The following SHTN1 variants were observed in gnomAD, a reference collection of about 807,000 sequenced individuals.
The protein encoded by SHTN1 is shootin-1.
In SHTN1, 42 loss-of-function variants were observed where a neutral mutation model predicts 83.1. The ratio of observed to expected loss-of-function variants is 0.51; its 90% CI spans 0.39 to 0.65. The LOEUF (loss-of-function observed/expected upper bound fraction) is 0.65. SHTN1 is among the 30% of genes least tolerant of loss of function. The pLI, the probability that SHTN1 is intolerant of heterozygous loss-of-function variation, is 0.00. For synonymous variants in SHTN1, 224 were observed against 247.7 expected (o/e 0.90, Z 0.90); for missense variants, 622 against 737.8 (o/e 0.84, Z 1.82).
At chr10:116,921,011 C>A (rs1848544097) in intron 12 of SHTN1, among the ~76,000 whole-genome samples, 1 of 152,160 alleles carries the variant, frequency 6.6e-6, no homozygotes, top group Non-Finnish European at 1.5e-5. Context: ...TTGTTTACTT[C>A]CTGCCTAGTT....
At position 116,973,987 on chromosome 10, in the gene SHTN1, A is replaced by G. The variant is rs79240830; in HGVS notation, c.111+5269T>C. ...TCTGGATTTCTACACTCTTATCCCT[A>G]AAGAATACAACACATTAAATCATTC... On this transcript the variant is annotated intron_variant, in intron 2 of 16. Coordinates refer to ENST00000355371, the MANE Select transcript of SHTN1 (RefSeq NM_001127211.3). 3.9e-4 allele frequency: 469 copies of G among 1,189,892 alleles called. 2 individuals carry two copies. The highest frequency in any genetic ancestry group is 3.3e-3 in the African/African-American group (214 of 64,538). 73.7% of individuals were successfully genotyped at this position (1,189,892 alleles called of 1,614,324 possible). A position where few individuals can be genotyped will look rare whatever the true frequency, so the allele number is the denominator to read the frequency against.
intron 1 of SHTN1, among the ~76,000 whole-genome samples, chr10:117,113,002 T>C (rs758374823): frequency 1.3e-5 from 2 of 152,210 alleles, no homozygotes; most frequent in Non-Finnish European, 2.9e-5. Flanking sequence ...CTGTTTCTTA[T>C]AAGTGTCATG....
At chr10:116,919,017 G>C (rs1035325715) in intron 12 of SHTN1, among the ~76,000 whole-genome samples, 1 of 152,026 alleles carries the variant, frequency 6.6e-6, no homozygotes, top group Non-Finnish European at 1.5e-5. Context: ...CATAAGTAAG[G>C]AGTAAAAGTT....
intron 2 of SHTN1, among the ~76,000 whole-genome samples, chr10:117,015,295 G>A (rs927278578): frequency 6.6e-6 from 1 of 152,022 alleles, no homozygotes; most frequent in African/African-American, 2.4e-5. Flanking sequence ...GGAAATTGTA[G>A]TAATTTTTTT....
At chr10:117,043,409 G>A (rs1236271476) in intron 2 of SHTN1, among the ~76,000 whole-genome samples, 1 of 152,154 alleles carries the variant, frequency 6.6e-6, no homozygotes, top group Non-Finnish European at 1.5e-5. Context: ...AAAAGTTCTG[G>A]AGACCAATGG....
chr10:116,890,427 T>C (rs776783858), intron 16 of SHTN1, among the ~76,000 whole-genome samples: 10 of 152,202 alleles, frequency 6.6e-5, no homozygotes, highest in Non-Finnish European at 1.2e-4. Flanking sequence ...TAAATCAGCA[T>C]ACAACTTGTT....
At chr10:116,893,470 C>T (rs1421662023) in intron 16 of SHTN1, among the ~76,000 whole-genome samples, 1 of 151,774 alleles carries the variant, frequency 6.6e-6, no homozygotes, top group Non-Finnish European at 1.5e-5. Context: ...TAAGCAGTAA[C>T]GTCCATGCAG....
chr10:117,110,741 G>C lies in SHTN1; in HGVS notation c.-189+15566C>G, dbSNP rs1271848498. On this transcript the variant is annotated intron_variant, in intron 1 of 17. Coordinates refer to the SHTN1 transcript ENST00000392901. ...GCGAGGAAGTCTGAGTTTTGTTCTAGAGCAACAGCTACCATACATTCACAG... is the reference window on the plus strand; with the variant it reads ...GCGAGGAAGTCTGAGTTTTGTTCTACAGCAACAGCTACCATACATTCACAG... Among the ~76,000 whole-genome samples the C allele has an allele frequency of 2.0e-5, 3 of 152,136 alleles. No homozygotes were observed. The South Asian group carries it at 6.2e-4, about 32-fold the overall frequency.
intron 4 of SHTN1, among the ~76,000 whole-genome samples, chr10:116,957,283 GTCTC>G (rs1394719121): frequency 3.5e-5 from 5 of 143,214 alleles, no homozygotes; most frequent in African/African-American, 1.0e-4. Context: ...TTGAGATGGA[GTCTC>G]TCTGTCACCA....
chr10:117,068,890 G>A (rs994346190), intron 1 of SHTN1, among the ~76,000 whole-genome samples: 3 of 152,056 alleles, frequency 2.0e-5, no homozygotes, highest in Admixed American at 6.6e-5. Context: ...CATTATTTCC[G>A]CTTTTGTTTA....
chr10:117,122,321 G>A (rs956735195), intron 1 of SHTN1, among the ~76,000 whole-genome samples: 8 of 151,934 alleles, frequency 5.3e-5, no homozygotes, highest in East Asian at 1.9e-4. Context: ...CTGGAACCAC[G>A]GGCACATGCC....
At chr10:116,930,034 T>C (rs1176000217) in intron 9 of SHTN1, 32 bp from the exon 10 acceptor site, 1 of 1,423,722 alleles carries the variant, frequency 7.0e-7, no homozygotes, top group East Asian at 2.4e-5. Context: ...AAGACTTTTA[T>C]GGCTGACAGT....
chr10:116,979,732 G>A (rs1164991295), intron 1 of SHTN1, among the ~76,000 whole-genome samples: 2 of 152,194 alleles, frequency 1.3e-5, no homozygotes, highest in African/African-American at 4.8e-5. Flanking sequence ...CTCAGCACTT[G>A]GTCCTGTGAA....
intron 1 of SHTN1, among the ~76,000 whole-genome samples, chr10:116,986,075 AG>A (rs1457932239): frequency 6.6e-6 from 1 of 152,226 alleles, no homozygotes; most frequent in Non-Finnish European, 1.5e-5. Context: ...ATACTTAAGA[AG>A]TACTCTCAAC....
intron 11 of SHTN1, among the ~76,000 whole-genome samples, chr10:116,922,633 T>C (rs1848603712): frequency 6.6e-6 from 1 of 152,120 alleles, no homozygotes; most frequent in Non-Finnish European, 1.5e-5. Flanking sequence ...TGAATATGAA[T>C]AGACTTAAGC....
intron 1 of SHTN1, among the ~76,000 whole-genome samples, chr10:117,109,110 A>C (rs1045436358): frequency 1.3e-5 from 2 of 152,208 alleles, no homozygotes; most frequent in African/African-American, 4.8e-5. Context: ...GCAACTTGTT[A>C]GCCTTGATTG....
chr10:116,928,372 C>G (rs1032652665), intron 10 of SHTN1, among the ~76,000 whole-genome samples: 7 of 152,142 alleles, frequency 4.6e-5, no homozygotes, highest in Non-Finnish European at 4.4e-5. Context: ...TGATTTTAAC[C>G]AGATTCAGCT....
At chr10:117,083,226 T>G (rs11492810) in intron 1 of SHTN1, among the ~76,000 whole-genome samples, 68,865 of 111,488 alleles carry the variant, frequency 0.62, 23,795 homozygotes, top group Middle Eastern at 0.82. Context: ...TTTAGGGCAG[T>G]CCTGGTGGTG....
At chr10:117,017,819 C>T (rs532121184) in intron 2 of SHTN1, among the ~76,000 whole-genome samples, 1 of 152,186 alleles carries the variant, frequency 6.6e-6, no homozygotes, top group South Asian at 2.1e-4. Flanking sequence ...AGGTTAACAT[C>T]AATAGTGGTA....
Sources: allele counts gnomAD v4.1 joint callset (sites outside exome capture counted in the v4.1 genomes callset), GRCh38; gene constraint gnomAD v4.1.1; transcripts MANE v1.5; gene names NCBI Gene and HGNC (gene_info 2026-07-23, HGNC 2026-07-21).